Variants in ABCG2 observed in about 807,000 individuals in gnomAD.
ABCG2 encodes the protein ATP binding cassette subfamily G member 2 (JR blood group).
A neutral mutation model predicts 73.5 loss-of-function variants in ABCG2; 80 were observed. That is an observed-to-expected ratio of 1.09 (90% CI 0.91 to 1.31). ABCG2 has a LOEUF of 1.31. Among genes scored for constraint, ABCG2 ranks in the 50% most tolerant of loss-of-function variants. ABCG2 has a pLI of 0.00. For synonymous variants in ABCG2, 269 were observed against 282.4 expected (o/e 0.95, Z 0.48); for missense variants, 796 against 786.2 (o/e 1.01, Z -0.15).
chr4:88,120,532 G>A (rs1723896760), intron 6 of ABCG2, among the ~76,000 whole-genome samples: 2 of 152,190 alleles, frequency 1.3e-5, no homozygotes, highest in Non-Finnish European at 2.9e-5. Context: ...GTGTGACTTG[G>A]ACGTGAGATA....
At chr4:88,203,329 G>C (rs1193659214) in intron 1 of ABCG2, among the ~76,000 whole-genome samples, 1 of 152,166 alleles carries the variant, frequency 6.6e-6, no homozygotes, top group Non-Finnish European at 1.5e-5. Context: ...GATTCTAGTA[G>C]CTGAATTCAA....
chr4:88,228,345 T>C (rs1730311608), intron 1 of ABCG2, among the ~76,000 whole-genome samples: 2 of 152,156 alleles, frequency 1.3e-5, no homozygotes, highest in South Asian at 4.2e-4. Flanking sequence ...CAGATGATGG[T>C]AGAAACCAGA....
At chr4:88,114,884 A>G in intron 8 of ABCG2, 73 bp downstream of exon 8, 1 of 965,914 alleles carries the variant, frequency 1.0e-6, no homozygotes. Context: ...CCACATTTTA[A>G]TTAGCCACCA....
intron 1 of ABCG2, among the ~76,000 whole-genome samples, chr4:88,208,786 T>C (rs1729473431): frequency 6.6e-6 from 1 of 152,222 alleles, no homozygotes; most frequent in South Asian, 2.1e-4. Flanking sequence ...TCCATAAATA[T>C]GGCCAACCTA....
intron 1 of ABCG2, among the ~76,000 whole-genome samples, chr4:88,189,556 A>AATAAATAG (rs1302930208): frequency 6.6e-6 from 1 of 151,780 alleles, no homozygotes; most frequent in Non-Finnish European, 1.5e-5. Context: ...TAAATAAATA[A>AATAAATAG]GAAATAAAAT....
At chr4:88,205,165 CT>C (rs1342339804) in intron 1 of ABCG2, among the ~76,000 whole-genome samples, 1 of 152,176 alleles carries the variant, frequency 6.6e-6, no homozygotes, top group Non-Finnish European at 1.5e-5. Flanking sequence ...GTTTTATTTC[CT>C]TCAAATTCCA....
At chr4:88,171,360 T>A (rs1036222560) in intron 1 of ABCG2, among the ~76,000 whole-genome samples, 8 of 143,122 alleles carry the variant, frequency 5.6e-5, no homozygotes, top group South Asian at 4.5e-4. Context: ...TCTGGAAATT[T>A]AAAAAAAAAA....
At chr4:88,137,856 G>A (rs763845679) in intron 2 of ABCG2, among the ~76,000 whole-genome samples, 5 of 152,282 alleles carry the variant, frequency 3.3e-5, no homozygotes, top group Middle Eastern at 3.4e-3. Context: ...TTCCTGAAAC[G>A]TTTAAATTTA....
chr4:88,135,329 C>T (rs1725164096), intron 2 of ABCG2, among the ~76,000 whole-genome samples: 1 of 152,230 alleles, frequency 6.6e-6, no homozygotes, highest in Non-Finnish European at 1.5e-5. Context: ...CCACCTCTCA[C>T]ACCCTCCTGC....
intron 1 of ABCG2, among the ~76,000 whole-genome samples, chr4:88,176,477 CTTTT>C (rs34754034): frequency 9.4e-5 from 8 of 84,822 alleles, no homozygotes; most frequent in Admixed American, 1.7e-4. Context: ...AAAGAGAATG[CTTTT>C]TTTTTTTTTT....
chr4:88,159,600 C>G (rs1407916088), upstream of ABCG2, among the ~76,000 whole-genome samples: 1 of 152,128 alleles, frequency 6.6e-6, no homozygotes, highest in African/African-American at 2.4e-5. Context: ...CCTGCTGCAT[C>G]TACCCTAGGA....
chr4:88,162,140 G>T (rs1474257730), upstream of ABCG2, among the ~76,000 whole-genome samples: 1 of 151,948 alleles, frequency 6.6e-6, no homozygotes, highest in Non-Finnish European at 1.5e-5. Flanking sequence ...TGAGCCCCGG[G>T]GTTCAAGGCT....
chr4:88,145,452 TG>T (rs1725919780), intron 1 of ABCG2, among the ~76,000 whole-genome samples: 1 of 152,208 alleles, frequency 6.6e-6, no homozygotes, highest in Admixed American at 6.5e-5. Context: ...CCTGCTTGTA[TG>T]GTGGTTTCAG....
At chr4:88,148,159 AATGCCAAACCC>A (rs1234862715) in intron 1 of ABCG2, among the ~76,000 whole-genome samples, 2 of 152,300 alleles carry the variant, frequency 1.3e-5, no homozygotes, top group East Asian at 3.9e-4. Flanking sequence ...CAGATGGAAG[AATGCCAAACCC>A]ATGTATACAG....
intron 10 of ABCG2, among the ~76,000 whole-genome samples, chr4:88,105,555 T>G (rs1304418216): frequency 6.6e-6 from 1 of 152,122 alleles, no homozygotes; most frequent in African/African-American, 2.4e-5. Flanking sequence ...TAGGTAAGGA[T>G]CACAACACTA....
exon 1 of ABCG2, chr4:88,231,307 T>C (rs113661045): frequency 1.9e-3 from 294 of 152,304 alleles, no homozygotes; most frequent in African/African-American, 6.5e-3. Context: ...TCCTATCTCC[T>C]TGGGTTCCTT....
At chr4:88,110,895 C>T (rs915884033) in intron 9 of ABCG2, among the ~76,000 whole-genome samples, 1 of 152,272 alleles carries the variant, frequency 6.6e-6, no homozygotes, top group Non-Finnish European at 1.5e-5. Context: ...ACTTGTCCTG[C>T]TAAGCAGATG....
At chr4:88,209,327 C>CA (rs1401380548) in intron 1 of ABCG2, among the ~76,000 whole-genome samples, 3 of 110,898 alleles carry the variant, frequency 2.7e-5, no homozygotes, top group African/African-American at 1.0e-4. Flanking sequence ...AAAAAAAAAA[C>CA]AAAAAAGCAA....
chr4:88,092,286 A>G lies in ABCG2; in HGVS notation c.1916T>C (p.Ile639Thr), dbSNP rs1721685781. ...TTTCAGGTAGGCAATTGTGAGGAAA[A>G]TAACAATCATACAAGCCAAGGCCAC... ...NHVALACMIV[I>T]FLTIAYLKLL... The change falls in exon 16 of 16, where the codon ATT (isoleucine) becomes ACT (threonine). Residue 639 changes from isoleucine (I) to threonine (T), a missense_variant. Transcript: ENST00000237612. The G allele has an allele frequency of 6.2e-7, 1 of 1,613,156 alleles. No individual in the cohort carries two copies. Among genetic ancestry groups the G allele is most frequent in the Non-Finnish European group, 8.5e-7 (1 of 1,179,386 alleles).
Sources: gnomAD v4.1 joint callset for allele counts (sites outside exome capture counted in the v4.1 genomes callset) on GRCh38, gnomAD v4.1.1 for gene constraint, MANE v1.5 for transcripts, NCBI Gene and HGNC (gene_info 2026-07-23, HGNC 2026-07-21) for gene names.